Variants in PPP1R3A observed in about 807,000 individuals in gnomAD.
PPP1R3A encodes protein phosphatase 1 regulatory subunit 3A.
In PPP1R3A, 29 loss-of-function variants were observed where a neutral mutation model predicts 41.7. The observed-to-expected ratio is 0.70, with a 90% CI of 0.52 to 0.95. PPP1R3A has a LOEUF of 0.95. Ranked by LOEUF, PPP1R3A falls within the 40% of genes least tolerant of loss-of-function variation. The pLI is 0.00. For missense variants in PPP1R3A, 1,352 were observed against 1,292.4 expected, an observed-to-expected ratio of 1.05 and a Z score of -0.71; for synonymous variants, 485 against 453.4, an observed-to-expected ratio of 1.07 and a Z score of -0.89.
At chr7:113,907,274 G>A (rs1797163009) in intron 1 of PPP1R3A, among the ~76,000 whole-genome samples, 2 of 151,694 alleles carry the variant, frequency 1.3e-5, no homozygotes, top group African/African-American at 4.8e-5. Flanking sequence ...AAACTCGGAG[G>A]AACTTTCTAA....
At chr7:113,901,161 A>G (rs577474995) in intron 1 of PPP1R3A, among the ~76,000 whole-genome samples, 3 of 151,752 alleles carry the variant, frequency 2.0e-5, no homozygotes, top group African/African-American at 4.8e-5. Context: ...GTGTTCATCC[A>G]CACTTTTCCT....
In PPP1R3A at chr7:113,878,016, G is replaced by T. The variant is rs1796602114; in HGVS notation, c.3076C>A (p.His1026Asn). The T allele has an allele frequency of 1.2e-6, 2 of 1,613,128 alleles. No individual in the cohort carries two copies. Among genetic ancestry groups the T allele is most frequent in the South Asian group, 2.2e-5 (2 of 91,068 alleles). ...KPLENMEEAR[H>N]ENEGLVSSGQ... is the part of the protein sequence containing the mutation. ...GAGCTTACTAATCCTTCATTTTCAT[G>T]CCTTGCTTCTTCCATATTCTCAAGA... The change falls in exon 4 of 4, where the codon CAT becomes AAT. Residue 1026 changes from histidine to asparagine, a missense_variant. By Grantham distance (68) the His-to-Asn change is moderately conservative. Transcript: ENST00000284601.
At chr7:113,915,967 T>C (rs567759905) in intron 1 of PPP1R3A, among the ~76,000 whole-genome samples, 1 of 152,058 alleles carries the variant, frequency 6.6e-6, no homozygotes, top group Non-Finnish European at 1.5e-5. Flanking sequence ...AATTATATCA[T>C]GGAAAAGCTG....
chr7:113,902,837 G>A (rs966282869), intron 1 of PPP1R3A, among the ~76,000 whole-genome samples: 7 of 151,746 alleles, frequency 4.6e-5, no homozygotes, highest in Non-Finnish European at 5.9e-5. Flanking sequence ...TGTAAGCTAC[G>A]TAAGGATAAG....
At chr7:113,913,915 G>T (rs940678265) in intron 1 of PPP1R3A, among the ~76,000 whole-genome samples, 1 of 151,934 alleles carries the variant, frequency 6.6e-6, no homozygotes, top group African/African-American at 2.4e-5. Flanking sequence ...TTCCCTTGGG[G>T]CCTCTTCTTG....
At chr7:113,914,619 C>A (rs1365734391) in intron 1 of PPP1R3A, among the ~76,000 whole-genome samples, 2 of 152,108 alleles carry the variant, frequency 1.3e-5, no homozygotes, top group Non-Finnish European at 2.9e-5. Flanking sequence ...TTGAGCCTTG[C>A]AGTTTTTCAG....
intron 1 of PPP1R3A, among the ~76,000 whole-genome samples, chr7:113,889,566 T>C (rs752371530): frequency 6.6e-6 from 1 of 152,176 alleles, no homozygotes; most frequent in African/African-American, 2.4e-5. Flanking sequence ...TACAATATCA[T>C]TGCACAAAGG....
At chr7:113,886,560 T>C (rs765255983) in intron 1 of PPP1R3A, among the ~76,000 whole-genome samples, 7 of 152,100 alleles carry the variant, frequency 4.6e-5, no homozygotes, top group Non-Finnish European at 2.9e-5. Context: ...AATAGACTAA[T>C]ACAGGTGGGT....
At chr7:113,909,015 G>C (rs1797193877) in intron 1 of PPP1R3A, among the ~76,000 whole-genome samples, 1 of 151,760 alleles carries the variant, frequency 6.6e-6, no homozygotes, top group Admixed American at 6.6e-5. Context: ...AGGGGAGCAA[G>C]GTTTGAAAAA....
intron 1 of PPP1R3A, among the ~76,000 whole-genome samples, chr7:113,912,390 T>C (rs955141300): frequency 1.3e-5 from 2 of 152,156 alleles, no homozygotes; most frequent in African/African-American, 4.8e-5. Flanking sequence ...TGTGTGTGCA[T>C]GTGTACATAC....
At chr7:113,916,257 G>A (rs943318760) in intron 1 of PPP1R3A, among the ~76,000 whole-genome samples, 2 of 152,038 alleles carry the variant, frequency 1.3e-5, no homozygotes, top group African/African-American at 4.8e-5. Context: ...CAGGCCTTCA[G>A]ACCATTTTGT....
chr7:113,884,930 C>T lies in PPP1R3A; in HGVS notation c.783-2610G>A, dbSNP rs117455759. 6.4e-4 allele frequency among the ~76,000 whole-genome samples: 98 copies of T among 152,026 alleles called. 1 individual carries two copies. The highest frequency in any genetic ancestry group is 4.3e-3 in the East Asian group (22 of 5,142). On this transcript the variant is annotated intron_variant, in intron 1 of 3. Coordinates refer to ENST00000284601, the MANE Select transcript of PPP1R3A (RefSeq NM_002711.4). Reference sequence around the variant, plus strand: ...CATAGCCAATAAGCACATAATGGGACGGTCAGCATTATTAGAGAATAAATG... The same window carrying T: ...CATAGCCAATAAGCACATAATGGGATGGTCAGCATTATTAGAGAATAAATG...
At chr7:113,897,927 A>C (rs1157503405) in intron 1 of PPP1R3A, among the ~76,000 whole-genome samples, 1 of 151,822 alleles carries the variant, frequency 6.6e-6, no homozygotes, top group Non-Finnish European at 1.5e-5. Context: ...TAAAGGAGTG[A>C]AGTGCAAGAG....
intron 1 of PPP1R3A, among the ~76,000 whole-genome samples, chr7:113,905,777 C>G (rs536826430): frequency 5.1e-4 from 78 of 151,910 alleles, no homozygotes; most frequent in African/African-American, 1.8e-3. Context: ...GGGATGCCAG[C>G]ATCAGTGAGG....
Position 113,878,271 on chromosome 7 carries a change from T to C in PPP1R3A, c.2821A>G (p.Met941Val), listed in dbSNP as rs772082412. The C allele has an allele frequency of 2.1e-5, 34 of 1,613,074 alleles. No homozygotes were observed. The highest frequency in any genetic ancestry group is 1.7e-4 in the Admixed American group (10 of 59,842). Residue 941 changes from methionine (M) to valine (V), a missense_variant, in exon 4 of 4, where the codon ATG becomes GTG. Met to Val is a conservative substitution (Grantham distance 21). Coordinates refer to ENST00000284601, the MANE Select transcript of PPP1R3A (RefSeq NM_002711.4). Reference protein sequence around the residue: ...AIAVENAVTTMASQPISTKSE... With the variant: ...AIAVENAVTTVASQPISTKSE... ...TTCGTAGAAATAGGTTGGCTAGCCA[T>C]GGTAGTAACTGCATTCTCTACAGCA...
intron 1 of PPP1R3A, among the ~76,000 whole-genome samples, chr7:113,908,046 T>A (rs952476313): frequency 6.6e-6 from 1 of 151,728 alleles, no homozygotes; most frequent in African/African-American, 2.4e-5. Flanking sequence ...AAAAAAGAAA[T>A]CAGAGGTCAA....
chr7:113,907,435 A>G (rs1025150654), intron 1 of PPP1R3A, among the ~76,000 whole-genome samples: 3 of 151,686 alleles, frequency 2.0e-5, no homozygotes, highest in Admixed American at 2.0e-4. Context: ...AGTTTCATCA[A>G]GAGTTACCTT....
Position 113,918,413 on chromosome 7 carries a change from A to G in PPP1R3A, c.584T>C (p.Val195Ala). The G allele has an allele frequency of 6.2e-7, 1 of 1,613,420 alleles. No homozygotes were observed. Among genetic ancestry groups the G allele is most frequent in the Admixed American group, 1.7e-5 (1 of 59,920 alleles). Residue 195 changes from valine (V) to alanine (A), a missense_variant, in exon 1 of 4, where the codon GTT becomes GCT. Physicochemically the swap from Val to Ala is moderately conservative, Grantham distance 64 (BLOSUM62 0). Coordinates refer to ENST00000284601, the MANE Select transcript of PPP1R3A (RefSeq NM_002711.4). Reference protein sequence around the residue: ...TDQFSFKIVLVPPYQKDGSKV... With the variant: ...TDQFSFKIVLAPPYQKDGSKV... ...ACTGCCATCTTTTTGATAAGGAGGA[A>G]CCAATACAATCTTAAAGGAGAACTG...
intron 1 of PPP1R3A, among the ~76,000 whole-genome samples, chr7:113,884,500 G>A (rs572348548): frequency 5.9e-5 from 9 of 151,910 alleles, no homozygotes; most frequent in Non-Finnish European, 1.0e-4. Flanking sequence ...GACTAACATA[G>A]CATGTCAGAC....
Sources: gnomAD v4.1 joint callset for allele counts (sites outside exome capture counted in the v4.1 genomes callset) on GRCh38, gnomAD v4.1.1 for gene constraint, MANE v1.5 for transcripts, NCBI Gene and HGNC (gene_info 2026-07-23, HGNC 2026-07-21) for gene names.